ODAM: variants seen among roughly 807,000 people sequenced by gnomAD.
ODAM encodes the protein odontogenic, ameloblast associated, also known as odontogenic ameloblast-associated protein.
A neutral mutation model predicts 48.5 loss-of-function variants in ODAM; 55 were observed. The observed-to-expected ratio is 1.13, with a 90% CI of 0.91 to 1.42. The LOEUF (loss-of-function observed/expected upper bound fraction) is 1.42, where lower values mean the gene tolerates loss of function less well. Ranked by LOEUF, ODAM falls within the 40% of genes most tolerant of loss-of-function variation. The pLI, the probability that ODAM is intolerant of heterozygous loss-of-function variation, is 0.00. For missense variants in ODAM, 353 were observed against 323.6 expected, an observed-to-expected ratio of 1.09 and a Z score of -0.70; for synonymous variants, 127 against 107.8, an observed-to-expected ratio of 1.18 and a Z score of -1.10.
Position 70,201,502 on chromosome 4 carries a change from G to GT in ODAM, c.576+2dup, listed in dbSNP as rs1411225798. 1.4e-6 allele frequency: 2 copies of GT among 1,453,908 alleles called. No individual in the cohort carries two copies. Among genetic ancestry groups the GT allele is most frequent in the Non-Finnish European group, 9.6e-7 (1 of 1,039,034 alleles). The allele number at this position is 1,453,908 out of a possible 1,614,324, so 90.1% of individuals were successfully genotyped here. ...ATACATTCCACAACTAGCAGAACCTGTAAGTAAATGCATATTTTTCATTAA... is the reference window on the plus strand; with the variant it reads ...ATACATTCCACAACTAGCAGAACCTGTTAAGTAAATGCATATTTTTCATTAA... On this transcript the variant is annotated splice_donor_variant, in intron 8 of 11. Coordinates refer to ENST00000683306, the MANE Select transcript of ODAM (RefSeq NM_017855.4). LOFTEE classifies it high-confidence loss of function.
At position 70,202,814 on chromosome 4, in the gene ODAM, G is replaced by C. The variant is rs760092743; in HGVS notation, c.707G>C (p.Ser236Thr). 1.7e-5 allele frequency: 27 copies of C among 1,611,882 alleles called. No homozygotes were observed. Residue 236 changes from serine to threonine, a missense_variant, in exon 10 of 12, where the codon AGT becomes ACT. Transcript: ENST00000683306. The stretch of plus-strand genomic sequence containing the variant: ...GAAGCGATCAACTTTAGACATGACA[G>C]TGCAGGAGTTTTCATGCCCTCAACT... ...QKEAINFRHD[S>T]AGVFMPSTSP...
At position 70,202,851 on chromosome 4, in the gene ODAM, C is replaced by T. The variant is rs1172050126; in HGVS notation, c.744C>T (p.Pro248=). 1 of 1,612,206 alleles carries T rather than the reference C, an allele frequency of 6.2e-7. No individual in the cohort carries two copies. Among genetic ancestry groups the T allele is most frequent in the Non-Finnish European group, 8.5e-7 (1 of 1,179,036 alleles). The change falls in exon 10 of 12, where the codon CCC becomes CCT. Residue 248 remains proline, a synonymous_variant. Transcript: ENST00000683306. ...GVFMPSTSPK[P]STTNVFTSAV... ...TCATGCCCTCAACTTCACCAAAACC[C>T]AGCACAACCAATGTTTTCACTTCTG...
Position 70,195,781 on chromosome 4 carries a change from G to A in ODAM, c.-28G>A. The A allele has an allele frequency of 2.0e-6, 2 of 984,200 alleles. No homozygotes were observed. The highest frequency in any genetic ancestry group is 2.4e-6 in the Non-Finnish European group (2 of 829,028). The allele number at this position is 984,200 out of a possible 1,614,324, so 61.0% of individuals were successfully genotyped here. A position where few individuals can be genotyped will look rare whatever the true frequency, so the allele number is the denominator to read the frequency against. On this transcript the variant is annotated 5_prime_UTR_variant, in exon 1 of 12. Transcript: ENST00000683306. Reference sequence around the variant, plus strand: ...GCATGGTTCAGATTTTTCTTTTTAGGTCCAGGAGTAAGGTAAGATATCAAA... The same window carrying A: ...GCATGGTTCAGATTTTTCTTTTTAGATCCAGGAGTAAGGTAAGATATCAAA...
chr4:70,200,202 T>C, intron 6 of ODAM: 1 of 393,052 alleles, frequency 2.5e-6, no homozygotes, highest in Non-Finnish European at 4.7e-6. Context: ...GTAATTTGTA[T>C]ATAAAGTTTC....
intron 6 of ODAM, chr4:70,200,134 T>G: frequency 2.2e-6 from 1 of 446,752 alleles, no homozygotes; most frequent in Non-Finnish European, 4.4e-6. Context: ...AGAATGATGA[T>G]TCTCAAAAAT....
At chr4:70,201,922 C>T (rs368803793) in intron 8 of ODAM, among the ~76,000 whole-genome samples, 4 of 151,904 alleles carry the variant, frequency 2.6e-5, no homozygotes, top group African/African-American at 7.2e-5. Flanking sequence ...CTGGTATTTT[C>T]GTAACTTGTA....
chr4:70,201,015 A>G (rs1359123941), intron 7 of ODAM, among the ~76,000 whole-genome samples: 1 of 152,008 alleles, frequency 6.6e-6, no homozygotes, highest in Non-Finnish European at 1.5e-5. Context: ...TTTGAGATAC[A>G]ATTAGATACC....
At chr4:70,200,652 A>G in intron 7 of ODAM, 51 bp downstream of exon 7, 1 of 1,212,890 alleles carries the variant, frequency 8.2e-7, no homozygotes, top group South Asian at 1.3e-5. Flanking sequence ...GAAAATAGAG[A>G]AAATAAGGTA....
At chr4:70,203,002 A>C in intron 10 of ODAM, 85 bp downstream of exon 10, 1 of 1,400,094 alleles carries the variant, frequency 7.1e-7, no homozygotes, top group Non-Finnish European at 9.9e-7. Flanking sequence ...AATTTATAGG[A>C]CTTAGTCATG....
chr4:70,202,346 C>G lies in ODAM; in HGVS notation c.648+17C>G, dbSNP rs757676233. Reference sequence around the variant, plus strand: ...GCTGTGATGGTAAGATTCCTTACAACACTTTGCCAGCTACTGGAAATCAAC... The same window carrying G: ...GCTGTGATGGTAAGATTCCTTACAAGACTTTGCCAGCTACTGGAAATCAAC... On this transcript the variant is annotated intron_variant, in intron 9 of 11. Coordinates refer to ENST00000683306, the MANE Select transcript of ODAM (RefSeq NM_017855.4). The G allele has an allele frequency of 1.3e-6, 2 of 1,595,872 alleles. No homozygotes were observed. The highest frequency in any genetic ancestry group is 8.6e-7 in the Non-Finnish European group (1 of 1,164,270).
intron 10 of ODAM, 53 bp downstream of exon 10, chr4:70,202,970 AC>A: frequency 6.6e-7 from 1 of 1,520,696 alleles, no homozygotes; most frequent in Non-Finnish European, 9.0e-7. Flanking sequence ...ATGAAAAAAT[AC>A]AGTGATAAAA....
At chr4:70,203,851 T>G (rs550269460) in intron 11 of ODAM, among the ~76,000 whole-genome samples, 1 of 152,046 alleles carries the variant, frequency 6.6e-6, no homozygotes, top group African/African-American at 2.4e-5. Flanking sequence ...CCTGTGAGCC[T>G]CTTTTGATCT....
chr4:70,197,819 A>G (rs1355912143), intron 4 of ODAM, 105 bp from the exon 5 acceptor site: 3 of 795,112 alleles, frequency 3.8e-6, no homozygotes, highest in Admixed American at 5.0e-5. Context: ...GCAACATTGG[A>G]ACTATAGAAA....
rs1729401739 is a variant in ODAM at position 70,197,688 on chromosome 4, G to A, written c.142-236G>A. ...TAAAACCAGTGTGGCATATGCAGAT[G>A]TTGGGCTCTTTTATCAACCTTATCC... On this transcript the variant is annotated intron_variant, in intron 4 of 11. Transcript: ENST00000683306. 3 of 569,882 alleles carry A rather than the reference G, an allele frequency of 5.3e-6. No homozygotes were observed. The Admixed American group carries it at 9.8e-5, about 19-fold the overall frequency. The allele number at this position is 569,882 out of a possible 1,614,324, so 35.3% of individuals were successfully genotyped here.
chr4:70,198,094 G>A lies in ODAM; in HGVS notation c.312G>A (p.Gln104=). The change falls in exon 5 of 12, where the codon CAG becomes CAA. Residue 104 remains glutamine, a synonymous_variant. Transcript: ENST00000683306. The part of the protein sequence containing the change: ...TGEASFAQGA[Q]AGQVDPLQLQ... ...AGGCCAGTTTTGCCCAAGGAGCCCA[G>A]GCAGGCCAAGTTGATCCCTTACAGC... is the stretch of plus-strand genomic sequence containing the variant. The A allele has an allele frequency of 1.2e-6, 2 of 1,613,298 alleles. No homozygotes were observed. Among genetic ancestry groups the A allele is most frequent in the Non-Finnish European group, 1.7e-6 (2 of 1,179,534 alleles).
chr4:70,200,022 C>A, intron 6 of ODAM: 1 of 390,076 alleles, frequency 2.6e-6, no homozygotes, highest in East Asian at 8.3e-5. Flanking sequence ...ACCAAATATC[C>A]TAAAATATAT....
rs914020037 is a variant in ODAM at position 70,203,265 on chromosome 4, A to G, written c.*29+51A>G. The G allele has an allele frequency of 3.2e-5, 34 of 1,053,970 alleles. 1 individual carries two copies. The highest frequency in any genetic ancestry group is 4.5e-5 in the Non-Finnish European group (31 of 687,754). The allele number at this position is 1,053,970 out of a possible 1,614,324, so 65.3% of individuals were successfully genotyped here. ...TAGGTGCCACGACAATTCCTACATA[A>G]GAAGACAAAAGAAAAAAGTTGGCAG... On this transcript the variant is annotated intron_variant, in intron 11 of 11. Coordinates refer to ENST00000683306, the MANE Select transcript of ODAM (RefSeq NM_017855.4).
At chr4:70,203,579 T>G (rs562367557) in intron 11 of ODAM, among the ~76,000 whole-genome samples, 1 of 152,050 alleles carries the variant, frequency 6.6e-6, no homozygotes, top group African/African-American at 2.4e-5. Flanking sequence ...TGTATTAGTT[T>G]GAAATTAAGT....
intron 6 of ODAM, 136 bp downstream of exon 6, chr4:70,198,762 G>A (rs1578237009): frequency 1.4e-6 from 1 of 735,296 alleles, no homozygotes; most frequent in East Asian, 2.9e-5. Flanking sequence ...TAACATCATT[G>A]CTGGGCTAGT....
Sources: allele counts gnomAD v4.1 joint callset (sites outside exome capture counted in the v4.1 genomes callset), GRCh38; gene constraint gnomAD v4.1.1; transcripts MANE v1.5; gene names NCBI Gene and HGNC (gene_info 2026-07-23, HGNC 2026-07-21).